The following CCSER1 variants were observed in gnomAD, a reference collection of about 807,000 sequenced individuals.
CCSER1 encodes the protein serine-rich coiled-coil domain-containing protein 1.
In CCSER1, 41 loss-of-function variants were observed where a neutral mutation model predicts 82.0. The ratio of observed to expected loss-of-function variants is 0.50; its 90% CI spans 0.39 to 0.65. CCSER1 has a LOEUF of 0.65. Among genes scored for constraint, CCSER1 ranks in the 30% least tolerant of loss-of-function variants. The pLI is 0.00. For synonymous variants in CCSER1, 414 were observed against 383.9 expected (o/e 1.08, Z -0.92); for missense variants, 1,119 against 1,064.2 (o/e 1.05, Z -0.72).
chr4:91,233,384 A>G (rs1738770370), intron 10 of CCSER1, among the ~76,000 whole-genome samples: 1 of 151,962 alleles, frequency 6.6e-6, no homozygotes, highest in African/African-American at 2.4e-5. Context: ...ACGTACCTTC[A>G]CTACAGGACA....
intron 10 of CCSER1, among the ~76,000 whole-genome samples, chr4:91,364,989 C>G (rs1265126679): frequency 6.6e-6 from 1 of 151,954 alleles, no homozygotes; most frequent in Non-Finnish European, 1.5e-5. Context: ...GTAAAGTTAA[C>G]CTGTATCCAC....
chr4:91,319,176 T>A (rs1291307498), intron 10 of CCSER1: 1 of 208,300 alleles, frequency 4.8e-6, no homozygotes, highest in Non-Finnish European at 1.0e-5. Context: ...TAAGTTTACA[T>A]GAAGAATGCT....
intron 4 of CCSER1, among the ~76,000 whole-genome samples, chr4:90,421,615 A>T (rs1578391578): frequency 6.8e-6 from 1 of 146,616 alleles, no homozygotes; most frequent in East Asian, 1.9e-4. Flanking sequence ...TTTCAATTGA[A>T]GGGTTTGTTT....
intron 10 of CCSER1, among the ~76,000 whole-genome samples, chr4:91,562,421 C>G (rs534335079): frequency 1.6e-4 from 25 of 151,562 alleles, no homozygotes; most frequent in Admixed American, 1.3e-3. Context: ...AGAATATTCT[C>G]CTTCAAGCTG....
intron 1 of CCSER1, among the ~76,000 whole-genome samples, chr4:90,140,621 T>C (rs1179845122): frequency 6.6e-6 from 1 of 151,888 alleles, no homozygotes; most frequent in Non-Finnish European, 1.5e-5. Context: ...AAAACTGTCT[T>C]GTATAACTTA....
At chr4:91,368,285 C>T (rs1881456) in intron 10 of CCSER1, among the ~76,000 whole-genome samples, 9,808 of 152,148 alleles carry the variant, frequency 0.064, 466 homozygotes, top group Middle Eastern at 0.11. Context: ...CAAATATTTA[C>T]TCACAGTAAT....
chr4:91,029,795 A>G (rs990928286), intron 9 of CCSER1, among the ~76,000 whole-genome samples: 1 of 152,088 alleles, frequency 6.6e-6, no homozygotes, highest in African/African-American at 2.4e-5. Flanking sequence ...TAATATATAT[A>G]TAAAGCATTT....
chr4:90,276,620 A>G (rs989133356), intron 1 of CCSER1, among the ~76,000 whole-genome samples: 2 of 152,104 alleles, frequency 1.3e-5, no homozygotes, highest in African/African-American at 4.8e-5. Flanking sequence ...TGCTGGGATT[A>G]TAGGCGTGAG....
chr4:91,439,071 A>G (rs1754909347), intron 10 of CCSER1, among the ~76,000 whole-genome samples: 1 of 152,246 alleles, frequency 6.6e-6, no homozygotes, highest in Non-Finnish European at 1.5e-5. Context: ...GATATTATCC[A>G]GGAGAACTTC....
At chr4:91,283,974 T>A (rs1437038045) in intron 10 of CCSER1, among the ~76,000 whole-genome samples, 1 of 152,128 alleles carries the variant, frequency 6.6e-6, no homozygotes, top group African/African-American at 2.4e-5. Flanking sequence ...TGTTGTATAT[T>A]ACCTATAATA....
chr4:91,067,468 C>T (rs1720947983), intron 9 of CCSER1, among the ~76,000 whole-genome samples: 1 of 151,872 alleles, frequency 6.6e-6, no homozygotes, highest in African/African-American at 2.4e-5. Flanking sequence ...TCCTCAGCCT[C>T]TTGAGTAGCT....
At position 91,139,975 on chromosome 4, in the gene CCSER1, G is replaced by A. The variant is rs537150070; in HGVS notation, c.2217+53981G>A. 1.5e-3 allele frequency among the ~76,000 whole-genome samples: 226 copies of A among 152,176 alleles called. 3 individuals carry two copies. Among genetic ancestry groups the A allele is most frequent in the African/African-American group, 5.1e-3 (214 of 41,564 alleles). The stretch of plus-strand genomic sequence containing the variant: ...AGGAGAAATTACATGTACCTTGGGA[G>A]TAAGTTAAATATTTCTTGTTTAATT... On this transcript the variant is annotated intron_variant, in intron 10 of 10. Transcript: ENST00000509176.
Position 91,452,878 on chromosome 4 carries a change from T to C in CCSER1, c.2218-145694T>C, listed in dbSNP as rs1997499. 8.7e-3 allele frequency among the ~76,000 whole-genome samples: 1,325 copies of C among 152,170 alleles called. 10 individuals are homozygous for C. The highest frequency in any genetic ancestry group is 0.013 in the Non-Finnish European group (892 of 67,952). On this transcript the variant is annotated intron_variant, in intron 10 of 10. Coordinates refer to ENST00000509176, the MANE Select transcript of CCSER1 (RefSeq NM_001145065.2). ...AATCTCTGCCTTACATTGTCCTTAG[T>C]TATGGAAAATAAGATCACTAAACCT...
intron 10 of CCSER1, among the ~76,000 whole-genome samples, chr4:91,548,039 T>C (rs1306980432): frequency 6.6e-6 from 1 of 152,214 alleles, no homozygotes; most frequent in Non-Finnish European, 1.5e-5. Flanking sequence ...TGCCTTGGCC[T>C]CCTAAAATCC....
intron 10 of CCSER1, among the ~76,000 whole-genome samples, chr4:91,189,533 G>A (rs978205169): frequency 1.3e-5 from 2 of 152,148 alleles, no homozygotes; most frequent in Non-Finnish European, 2.9e-5. Flanking sequence ...TTGAATTAAA[G>A]TTGTTGGTGT....
chr4:91,343,000 C>T (rs1434631729), intron 10 of CCSER1, among the ~76,000 whole-genome samples: 6 of 151,878 alleles, frequency 4.0e-5, no homozygotes, highest in Non-Finnish European at 8.8e-5. Context: ...CATTCCCGTA[C>T]TAGGAATATA....
intron 8 of CCSER1, among the ~76,000 whole-genome samples, chr4:90,861,093 C>T (rs1327861812): frequency 1.3e-5 from 2 of 151,500 alleles, no homozygotes; most frequent in African/African-American, 4.8e-5. Flanking sequence ...AGGATATGTG[C>T]CATTCGGGAA....
chr4:90,940,233 G>C (rs1731432723), intron 9 of CCSER1, among the ~76,000 whole-genome samples: 1 of 152,002 alleles, frequency 6.6e-6, no homozygotes, highest in African/African-American at 2.4e-5. Flanking sequence ...ACAATTTTAT[G>C]ATTTCTTTTT....
rs1307817330 is a variant in CCSER1, at chr4:90,200,207, A to G, written c.-42+72376A>G. Among the ~76,000 whole-genome samples, 5 of 152,050 alleles carry G rather than the reference A, an allele frequency of 3.3e-5. No homozygotes were observed. In the East Asian group the frequency reaches 5.8e-4, roughly 18 times the overall value. The stretch of plus-strand genomic sequence containing the variant: ...TTGTGTTATCTCCTTCCCAGAGTAC[A>G]TGTCTCTGGACCATCCCACACCTGA... On this transcript the variant is annotated intron_variant, in intron 1 of 10. Coordinates refer to ENST00000509176, the MANE Select transcript of CCSER1 (RefSeq NM_001145065.2).
Sources: gnomAD v4.1 joint callset for allele counts (sites outside exome capture counted in the v4.1 genomes callset) on GRCh38, gnomAD v4.1.1 for gene constraint, MANE v1.5 for transcripts, NCBI Gene and HGNC (gene_info 2026-07-23, HGNC 2026-07-21) for gene names.